CACNA1D: variants seen among roughly 807,000 people sequenced by gnomAD.
CACNA1D encodes calcium voltage-gated channel subunit alpha1 D, also known as voltage-dependent L-type calcium channel subunit alpha-1D.
A neutral mutation model predicts 257.1 loss-of-function variants in CACNA1D; 55 were observed. The observed-to-expected ratio is 0.21, with a 90% CI of 0.17 to 0.27. CACNA1D has a LOEUF of 0.27. Among genes scored for constraint, CACNA1D ranks in the 10% least tolerant of loss-of-function variants. The pLI is 1.00. For missense variants in CACNA1D, 1,876 were observed against 2,784.0 expected (o/e 0.67, Z 7.34); for synonymous variants, 980 against 1,014.9 (o/e 0.97, Z 0.65).
intron 3 of CACNA1D, among the ~76,000 whole-genome samples, chr3:53,511,507 T>C (rs2091110070): frequency 6.6e-6 from 1 of 152,190 alleles, no homozygotes. Flanking sequence ...TGGAGCACAA[T>C]GAGCCATGTC....
intron 8 of CACNA1D, among the ~76,000 whole-genome samples, chr3:53,694,448 G>A (rs1355591041): frequency 2.0e-5 from 3 of 152,186 alleles, no homozygotes; most frequent in African/African-American, 7.2e-5. Flanking sequence ...CCCTGGTCCT[G>A]ATTCATGACC....
intron 8 of CACNA1D, among the ~76,000 whole-genome samples, chr3:53,683,364 C>T (rs74339733): frequency 0.013 from 2,001 of 152,176 alleles, 43 homozygotes; most frequent in African/African-American, 0.046. Context: ...CTACTTTAGC[C>T]CTTGAGTAAG....
chr3:53,676,728 T>C (rs748877609), intron 8 of CACNA1D, among the ~76,000 whole-genome samples: 2 of 152,232 alleles, frequency 1.3e-5, no homozygotes, highest in African/African-American at 2.4e-5. Context: ...ATCTGCACAT[T>C]GGATTTGGTG....
chr3:53,511,861 A>G (rs1037900501), intron 3 of CACNA1D, among the ~76,000 whole-genome samples: 2 of 152,208 alleles, frequency 1.3e-5, no homozygotes, highest in Admixed American at 6.5e-5. Context: ...TGCAAAGAAC[A>G]TCCTCCCCTG....
At chr3:53,559,309 A>G (rs1401739522) in intron 3 of CACNA1D, among the ~76,000 whole-genome samples, 3 of 152,112 alleles carry the variant, frequency 2.0e-5, no homozygotes. Context: ...TAATTCTGGT[A>G]TCTATGCTAT....
At chr3:53,748,675 G>A (rs2095195198) in intron 26 of CACNA1D, among the ~76,000 whole-genome samples, 2 of 152,146 alleles carry the variant, frequency 1.3e-5, no homozygotes. Context: ...AGTAATGTCT[G>A]CCTTCCCAGA....
At chr3:53,658,106 C>T (rs909532719) in intron 4 of CACNA1D, among the ~76,000 whole-genome samples, 1 of 152,090 alleles carries the variant, frequency 6.6e-6, no homozygotes, top group African/African-American at 2.4e-5. Flanking sequence ...TGTCTTTTTT[C>T]TCCCACCTTG....
rs1233337239 is a variant in CACNA1D, at chr3:53,812,359, C to T, written c.*953C>T. ...ATAGAGCCAATTCTCATTTATTCAG[C>T]GAAAATCCTCTGGGGTTAAAATTTT... On this transcript the variant is annotated 3_prime_UTR_variant, in exon 48 of 48. Coordinates refer to ENST00000350061, the MANE Select transcript of CACNA1D (RefSeq NM_001128840.3). The T allele has an allele frequency of 2.0e-5, 3 of 152,234 alleles. No individual in the cohort carries two copies. Among genetic ancestry groups the T allele is most frequent in the South Asian group, 2.1e-4 (1 of 4,826 alleles). The allele number at this position is 152,234 out of a possible 1,614,324, so 9.4% of individuals were successfully genotyped here.
At chr3:53,518,000 ATCTG>A (rs747501169) in intron 3 of CACNA1D, among the ~76,000 whole-genome samples, 3 of 152,152 alleles carry the variant, frequency 2.0e-5, no homozygotes, top group Admixed American at 1.3e-4. Flanking sequence ...CTCTTCCTAA[ATCTG>A]TCTTTGTTTT....
chr3:53,512,821 C>T (rs1355544383), intron 3 of CACNA1D, among the ~76,000 whole-genome samples: 2 of 152,128 alleles, frequency 1.3e-5, no homozygotes, highest in African/African-American at 4.8e-5. Context: ...AGTATTAGGT[C>T]GGTGCAAACC....
chr3:53,572,978 A>C (rs1311032693), intron 3 of CACNA1D, among the ~76,000 whole-genome samples: 1 of 152,222 alleles, frequency 6.6e-6, no homozygotes, highest in Non-Finnish European at 1.5e-5. Flanking sequence ...TGCCCATGGC[A>C]CACTGGCCAT....
intron 9 of CACNA1D, among the ~76,000 whole-genome samples, chr3:53,713,376 A>G (rs968183035): frequency 2.0e-5 from 3 of 152,074 alleles, no homozygotes; most frequent in Non-Finnish European, 4.4e-5. Flanking sequence ...TTCTTCCATC[A>G]TTTTTGACCT....
chr3:53,524,918 G>A (rs2091705506), intron 3 of CACNA1D, among the ~76,000 whole-genome samples: 1 of 152,126 alleles, frequency 6.6e-6, no homozygotes, highest in African/African-American at 2.4e-5. Flanking sequence ...TGACACAGGG[G>A]CAGGCCACTA....
At chr3:53,672,349 T>C (rs892943738) in intron 7 of CACNA1D, among the ~76,000 whole-genome samples, 2 of 152,228 alleles carry the variant, frequency 1.3e-5, no homozygotes, top group Admixed American at 6.5e-5. Flanking sequence ...TGTCAGCTAG[T>C]TGACCTTGAA....
chr3:53,575,255 C>T (rs1323693049), intron 3 of CACNA1D, among the ~76,000 whole-genome samples: 1 of 152,162 alleles, frequency 6.6e-6, no homozygotes, highest in African/African-American at 2.4e-5. Context: ...GAGAACCTTG[C>T]TCTGTGGGAT....
At chr3:53,515,217 C>T (rs1021506224) in intron 3 of CACNA1D, among the ~76,000 whole-genome samples, 5 of 152,106 alleles carry the variant, frequency 3.3e-5, no homozygotes, top group African/African-American at 9.7e-5. Flanking sequence ...CTTTCTCAGC[C>T]GACTTGAAAT....
intron 3 of CACNA1D, among the ~76,000 whole-genome samples, chr3:53,597,778 C>G (rs2093389298): frequency 6.6e-6 from 1 of 152,154 alleles, no homozygotes; most frequent in African/African-American, 2.4e-5. Flanking sequence ...AGCTGCAACT[C>G]CAGCCTTTCA....
intron 3 of CACNA1D, among the ~76,000 whole-genome samples, chr3:53,504,693 A>AT (rs201679340): frequency 0.048 from 7,118 of 148,824 alleles, 212 homozygotes; most frequent in South Asian, 0.096. Flanking sequence ...TTTTATTATT[A>AT]TTTTTTTTTT....
At position 53,762,099 on chromosome 3, in the gene CACNA1D, G is replaced by A. The variant is rs746705335; in HGVS notation, c.3870+18G>A. The A allele has an allele frequency of 1.8e-5, 28 of 1,534,342 alleles. No homozygotes were observed. Among genetic ancestry groups the A allele is most frequent in the African/African-American group, 5.4e-5 (4 of 73,402 alleles). On this transcript the variant is annotated intron_variant, in intron 30 of 47. Coordinates refer to ENST00000350061, the MANE Select transcript of CACNA1D (RefSeq NM_001128840.3). The stretch of plus-strand genomic sequence containing the variant: ...AAGCAGACGTGAGTATGCACCTGGC[G>A]TGGCCGCCACCTGTGTCCTCTCTCC...
Sources: gnomAD v4.1 joint callset for allele counts (sites outside exome capture counted in the v4.1 genomes callset) on GRCh38, gnomAD v4.1.1 for gene constraint, MANE v1.5 for transcripts, NCBI Gene and HGNC (gene_info 2026-07-23, HGNC 2026-07-21) for gene names.